The following DNAJC1 variants were observed in gnomAD, a reference collection of about 807,000 sequenced individuals.
The protein encoded by DNAJC1 is DnaJ heat shock protein family (Hsp40) member C1, also known as dnaJ homolog subfamily C member 1.
DNAJC1 carries 58 observed loss-of-function variants against 76.6 expected under a neutral mutation model. That is an observed-to-expected ratio of 0.76 (90% CI 0.61 to 0.94). The LOEUF is 0.94. Ranked by LOEUF, DNAJC1 falls within the 40% of genes least tolerant of loss-of-function variation. The probability of loss-of-function intolerance (pLI) is 0.00; values close to 1 mark genes in which losing one functional copy is unlikely to be tolerated. For missense variants in DNAJC1, 689 were observed against 677.3 expected, an observed-to-expected ratio of 1.02 and a Z score of -0.19; for synonymous variants, 258 against 267.9, an observed-to-expected ratio of 0.96 and a Z score of 0.36.
chr10:21,940,642 A>G (rs1837391350), intron 1 of DNAJC1, among the ~76,000 whole-genome samples: 1 of 152,156 alleles, frequency 6.6e-6, no homozygotes, highest in South Asian at 2.1e-4. Context: ...TTAATAACAC[A>G]TTTATTTGAG....
At position 21,835,195 on chromosome 10, in the gene DNAJC1, C is replaced by T. The variant is rs943638378; in HGVS notation, c.979-29096G>A. Among the ~76,000 whole-genome samples, 3 of 152,332 alleles carry T rather than the reference C, an allele frequency of 2.0e-5. No homozygotes were observed. In the East Asian group the frequency reaches 5.8e-4, roughly 29 times the overall value. The stretch of plus-strand genomic sequence containing the variant: ...AATATCCGCTGTTCTGCAGCCACCG[C>T]TGCTGATACCCAGGCAAACAGGGTC... On this transcript the variant is annotated intron_variant, in intron 8 of 11. Transcript: ENST00000376980.
chr10:21,786,587 G>C (rs972799703), intron 9 of DNAJC1, among the ~76,000 whole-genome samples: 4 of 151,776 alleles, frequency 2.6e-5, no homozygotes, highest in Admixed American at 2.6e-4. Flanking sequence ...CTGGGTTCAA[G>C]TGATTCTAAT....
intron 8 of DNAJC1, among the ~76,000 whole-genome samples, chr10:21,840,351 C>T (rs1835554468): frequency 2.0e-5 from 3 of 152,162 alleles, no homozygotes; most frequent in Admixed American, 2.0e-4. Context: ...ATCTAGAAAA[C>T]CCCATCGTCT....
chr10:21,768,800 C>T (rs1834332789), intron 9 of DNAJC1, among the ~76,000 whole-genome samples: 1 of 152,200 alleles, frequency 6.6e-6, no homozygotes, highest in Non-Finnish European at 1.5e-5. Flanking sequence ...TCCATTCCTT[C>T]TTTTATCCTA....
chr10:21,992,715 T>C (rs1013283098), intron 1 of DNAJC1, among the ~76,000 whole-genome samples: 1 of 152,214 alleles, frequency 6.6e-6, no homozygotes, highest in African/African-American at 2.4e-5. Context: ...ATCTGAAATA[T>C]CTGTCAGTCA....
At chr10:21,841,385 G>A (rs985012317) in intron 8 of DNAJC1, among the ~76,000 whole-genome samples, 3 of 152,034 alleles carry the variant, frequency 2.0e-5, no homozygotes, top group Non-Finnish European at 4.4e-5. Flanking sequence ...AATCTACAAT[G>A]AACTCAAACA....
intron 6 of DNAJC1, among the ~76,000 whole-genome samples, chr10:21,905,547 A>AT (rs2131746036): frequency 6.6e-6 from 1 of 152,178 alleles, no homozygotes; most frequent in East Asian, 1.9e-4. Flanking sequence ...TTCAAGCCCC[A>AT]TCTCCTTTGC....
chr10:21,764,179 ATACTATGGAC>A (rs1834270559), intron 10 of DNAJC1, among the ~76,000 whole-genome samples: 2 of 152,228 alleles, frequency 1.3e-5, no homozygotes, highest in Admixed American at 1.3e-4. Context: ...GCAGACATCT[ATACTATGGAC>A]TACTATGGAG....
intron 1 of DNAJC1, among the ~76,000 whole-genome samples, chr10:21,971,702 T>C (rs1218820154): frequency 6.6e-6 from 1 of 151,916 alleles, no homozygotes; most frequent in East Asian, 1.9e-4. Context: ...GACATCATAA[T>C]TCAAATTACT....
At chr10:21,950,396 ATGT>A (rs1279397032) in intron 1 of DNAJC1, among the ~76,000 whole-genome samples, 1 of 152,166 alleles carries the variant, frequency 6.6e-6, no homozygotes, top group Non-Finnish European at 1.5e-5. Flanking sequence ...TAATCAATAA[ATGT>A]TGTATGTGTT....
chr10:21,878,695 A>AT (rs1223494951), intron 8 of DNAJC1, among the ~76,000 whole-genome samples: 1 of 152,146 alleles, frequency 6.6e-6, no homozygotes, highest in East Asian at 1.9e-4. Flanking sequence ...TTTCCAAAAT[A>AT]TTTTTTGGAA....
chr10:21,844,292 C>T (rs1835621294), intron 8 of DNAJC1, among the ~76,000 whole-genome samples: 1 of 150,796 alleles, frequency 6.6e-6, no homozygotes, highest in Non-Finnish European at 1.5e-5. Context: ...ATTTTTAGTA[C>T]AGGTTGGGTT....
At chr10:21,849,351 A>G (rs1333269716) in intron 8 of DNAJC1, among the ~76,000 whole-genome samples, 1 of 150,498 alleles carries the variant, frequency 6.6e-6, no homozygotes, top group Non-Finnish European at 1.5e-5. Flanking sequence ...AAGTATTTCA[A>G]ATTAATAATT....
rs977018661 is a variant in DNAJC1, at chr10:21,929,206, C to T, written c.223-65G>A. The T allele has an allele frequency of 6.8e-6, 8 of 1,171,116 alleles. No individual in the cohort carries two copies. The Admixed American group carries it at 8.8e-5, about 13-fold the overall frequency. 72.5% of individuals were successfully genotyped at this position (1,171,116 alleles called of 1,614,324 possible). On this transcript the variant is annotated intron_variant, in intron 1 of 11. Transcript: ENST00000376980. ...TTGTCAGAAAAAGAAATTCCCAGAA[C>T]CTTGTTAAGATCTGAGAAGACAGCC... is the stretch of plus-strand genomic sequence containing the variant.
chr10:21,967,014 C>CT (rs11427152), intron 1 of DNAJC1, among the ~76,000 whole-genome samples: 98,333 of 138,706 alleles, frequency 0.71, 34,796 homozygotes, highest in East Asian at 0.94. Flanking sequence ...TCTTCTTCTT[C>CT]TTTTTTTTTT....
chr10:21,881,716 A>G (rs1393791452), intron 8 of DNAJC1, among the ~76,000 whole-genome samples: 2 of 152,044 alleles, frequency 1.3e-5, no homozygotes, highest in African/African-American at 4.8e-5. Flanking sequence ...ATGTTATAGT[A>G]ATGAAAAGTT....
At chr10:21,941,588 G>A (rs1327831293) in intron 1 of DNAJC1, among the ~76,000 whole-genome samples, 2 of 152,110 alleles carry the variant, frequency 1.3e-5, no homozygotes, top group Admixed American at 6.5e-5. Flanking sequence ...ATTATTAAAT[G>A]AGTGATGATT....
chr10:21,891,481 A>G (rs1836461957), intron 7 of DNAJC1, among the ~76,000 whole-genome samples: 2 of 149,258 alleles, frequency 1.3e-5, no homozygotes, highest in Admixed American at 1.3e-4. Context: ...GTAGACAAAA[A>G]AAAAAAAAAA....
At chr10:21,920,023 G>C (rs529351282) in intron 4 of DNAJC1, 94 bp from the exon 5 acceptor site, 1 of 742,674 alleles carries the variant, frequency 1.3e-6, no homozygotes, top group African/African-American at 1.8e-5. Context: ...ACATTATAGA[G>C]GAACATTTAT....
Sources: gnomAD v4.1 joint callset for allele counts (sites outside exome capture counted in the v4.1 genomes callset) on GRCh38, gnomAD v4.1.1 for gene constraint, MANE v1.5 for transcripts, NCBI Gene and HGNC (gene_info 2026-07-23, HGNC 2026-07-21) for gene names.